LBX2: variants seen among roughly 807,000 people sequenced by gnomAD.
LBX2 encodes transcription factor LBX2.
Under a neutral mutation model 7.5 loss-of-function variants are expected in LBX2, and 6 were observed. That is an observed-to-expected ratio of 0.80 (90% CI 0.44 to 1.59). The LOEUF (loss-of-function observed/expected upper bound fraction) is 1.59. Among genes scored for constraint, LBX2 ranks in the 40% most tolerant of loss-of-function variants. The pLI, the probability that LBX2 is intolerant of heterozygous loss-of-function variation, is 0.01. For missense variants in LBX2, 281 were observed against 282.0 expected (o/e 1.00, Z 0.03); for synonymous variants, 143 against 133.2 (o/e 1.07, Z -0.51).
At chr2:74,500,873 A>T (rs955598680), upstream of LBX2, among the ~76,000 whole-genome samples, 2 of 152,308 alleles carry the variant, frequency 1.3e-5, no homozygotes, top group Admixed American at 1.3e-4. Context: ...GCTTTTTAAA[A>T]CAGTGTCAGG....
At chr2:74,502,854 TC>T, upstream of LBX2, 1 of 1,598,214 alleles carries the variant, frequency 6.3e-7, no homozygotes, top group Non-Finnish European at 8.6e-7. This position sits in a 1 kb window ranked among gnomAD's most constrained non-coding sequence, Gnocchi z 5.4. Flanking sequence ...AAGTCCTTTT[TC>T]CCATCAAGCC....
At chr2:74,499,833 C>G, upstream of LBX2, 1 of 487,290 alleles carries the variant, frequency 2.1e-6, no homozygotes, top group East Asian at 3.7e-5. The surrounding 1 kb of genome is among the most constrained non-coding windows in gnomAD (Gnocchi z 4.6). Context: ...CGCTGCGGGG[C>G]GCTGCACCGT....
upstream of LBX2, among the ~76,000 whole-genome samples, chr2:74,500,275 C>G (rs1001450688): frequency 6.6e-6 from 1 of 152,078 alleles, no homozygotes; most frequent in South Asian, 2.1e-4. Flanking sequence ...GCCGGGAGAC[C>G]CGGGCCGCAG....
chr2:74,499,413 G>C lies in LBX2; in HGVS notation c.125C>G (p.Thr42Arg), dbSNP rs954409110. The C allele has an allele frequency of 9.7e-6, 15 of 1,550,620 alleles. No individual in the cohort carries two copies. Among genetic ancestry groups the C allele is most frequent in the Non-Finnish European group, 1.2e-5 (14 of 1,146,998 alleles). Residue 42 changes from threonine (T) to arginine (R), a missense_variant, in exon 1 of 2, where the codon ACG (threonine) becomes AGG (arginine). Coordinates refer to ENST00000377566, the MANE Select transcript of LBX2 (RefSeq NM_001282430.2). This position sits in a 1 kb window ranked among gnomAD's most constrained non-coding sequence, Gnocchi z 4.6. ...PQLPESGPGP[T>R]SPLCALEELT... ...CTCCTCCAGCGCGCACAGCGGCGACGTTGGACCCGGACCCGACTCTGGAAG... is the reference window on the plus strand; with the variant it reads ...CTCCTCCAGCGCGCACAGCGGCGACCTTGGACCCGGACCCGACTCTGGAAG...
At chr2:74,498,636 A>G (rs1674413864) in intron 1 of LBX2, 3 of 390,670 alleles carry the variant, frequency 7.7e-6, no homozygotes, top group Non-Finnish European at 1.4e-5. Flanking sequence ...TGAGGCTTTT[A>G]GGAGCCTCAG....
rs1674425836 is a variant in LBX2 at position 74,499,003 on chromosome 2, C to T, written c.205+330G>A. 5.3e-6 allele frequency: 2 copies of T among 376,370 alleles called. No individual in the cohort carries two copies. Among genetic ancestry groups the T allele is most frequent in the Non-Finnish European group, 4.8e-6 (1 of 207,378 alleles). 23.3% of individuals were successfully genotyped at this position (376,370 alleles called of 1,614,324 possible). A position where few individuals can be genotyped will look rare whatever the true frequency, so the allele number is the denominator to read the frequency against. ...CGCCTTTGCAGGCTCACTCGTTTACCGCCTGCGGCTGAAGCCTTTTGTCTC... is the reference window on the plus strand; with the variant it reads ...CGCCTTTGCAGGCTCACTCGTTTACTGCCTGCGGCTGAAGCCTTTTGTCTC... On this transcript the variant is annotated intron_variant, in intron 1 of 1. Coordinates refer to ENST00000377566, the MANE Select transcript of LBX2 (RefSeq NM_001282430.2). The surrounding 1 kb of genome is among the most constrained non-coding windows in gnomAD (Gnocchi z 4.6).
In LBX2 at chr2:74,498,180, C is replaced by A; in HGVS notation, c.344G>T (p.Arg115Leu). Residue 115 changes from arginine to leucine, a missense_variant, in exon 2 of 2, where the codon CGA (arginine) becomes CTA (leucine). Transcript: ENST00000377566. ...VFQKYLAPSERDGLATRLGLA... is the reference protein window; with the variant it reads ...VFQKYLAPSELDGLATRLGLA... ...GCCGAGTCGCGTAGCTAGCCCGTCTCGCTCGGACGGCGCCAGGTACTTCTG... is the reference window on the plus strand; with the variant it reads ...GCCGAGTCGCGTAGCTAGCCCGTCTAGCTCGGACGGCGCCAGGTACTTCTG... 1 of 1,612,458 alleles carries A rather than the reference C, an allele frequency of 6.2e-7. No homozygotes were observed. The highest frequency in any genetic ancestry group is 1.1e-5 in the South Asian group (1 of 91,024).
chr2:74,499,741 G>A (rs1674446076), upstream of LBX2: 9 of 613,942 alleles, frequency 1.5e-5, no homozygotes, highest in East Asian at 2.8e-5. The surrounding 1 kb of genome is among the most constrained non-coding windows in gnomAD (Gnocchi z 4.6). Flanking sequence ...GTCCGGGGAG[G>A]GTATTTCTAC....
rs1674430154 is a variant in LBX2 at position 74,499,165 on chromosome 2, C to T, written c.205+168G>A. The T allele has an allele frequency of 2.0e-5, 13 of 651,362 alleles. 1 individual carries two copies. The highest frequency in any genetic ancestry group is 1.5e-4 in the South Asian group (8 of 52,050). 40.3% of individuals were successfully genotyped at this position (651,362 alleles called of 1,614,324 possible). On this transcript the variant is annotated intron_variant, in intron 1 of 1. Coordinates refer to ENST00000377566, the MANE Select transcript of LBX2 (RefSeq NM_001282430.2). The surrounding 1 kb of genome is among the most constrained non-coding windows in gnomAD (Gnocchi z 4.6). ...AGCCGCCGCGGAACCTAGGGACTAA[C>T]GGAGGAGAGGTGAGAAGTCGCAGGT...
Position 74,499,358 on chromosome 2 carries a change from G to C in LBX2, c.180C>G (p.Asp60Glu). Residue 60 changes from aspartate to glutamate, a missense_variant, in exon 1 of 2, where the codon GAC (aspartate) becomes GAG (glutamate). By Grantham distance (45) the Asp-to-Glu change is conservative. Transcript: ENST00000377566. This position sits in a 1 kb window ranked among gnomAD's most constrained non-coding sequence, Gnocchi z 4.6. ...CTTCAGAGGGCTGCAGAGCGCGCGC[G>C]TCAAGTCCGCGGAAAGTTTTACTAG... The part of the protein sequence containing the change: ...ELTSKTFRGL[D>E]ARALQPSEGR... 1 of 1,550,618 alleles carries C rather than the reference G, an allele frequency of 6.4e-7. No homozygotes were observed. Among genetic ancestry groups the C allele is most frequent in the Admixed American group, 2.0e-5 (1 of 51,012 alleles).
chr2:74,502,644 T>C (rs371128680), upstream of LBX2: 75 of 1,610,814 alleles, frequency 4.7e-5, no homozygotes, highest in African/African-American at 8.8e-4. The surrounding 1 kb of genome is among the most constrained non-coding windows in gnomAD (Gnocchi z 5.4). Flanking sequence ...AGTGAACCGG[T>C]CCTTATATCT....
Position 74,498,209 on chromosome 2 carries a change from G to A in LBX2, c.315C>T (p.Val105=), listed in dbSNP as rs577428404. The change falls in exon 2 of 2, where the codon GTC becomes GTT. Residue 105 remains valine (V), a synonymous_variant. Coordinates refer to ENST00000377566, the MANE Select transcript of LBX2 (RefSeq NM_001282430.2). ...QQVLELERRF[V]FQKYLAPSER... ...CGGACGGCGCCAGGTACTTCTGGAA[G>A]ACGAAGCGCCGCTCCAGCTCCAGCA... 125 of 1,611,080 alleles carry A rather than the reference G, an allele frequency of 7.8e-5. No homozygotes were observed. In the South Asian group the frequency reaches 1.2e-3, roughly 16 times the overall value.
chr2:74,499,568 C>G lies in LBX2; in HGVS notation c.-31G>C, dbSNP rs925996676. 4.6e-6 allele frequency: 7 copies of G among 1,537,988 alleles called. No homozygotes were observed. In the East Asian group the frequency reaches 7.4e-5, roughly 16 times the overall value. ...GCCGGGCTGGGGCGGTCCGGCTGTC[C>G]GTTGCGCTAGGCTCCGCAAACGCCT... On this transcript the variant is annotated 5_prime_UTR_variant, in exon 1 of 2. Transcript: ENST00000377566. The surrounding 1 kb of genome is among the most constrained non-coding windows in gnomAD (Gnocchi z 4.6).
chr2:74,502,681 G>T (rs775645589), upstream of LBX2: 6 of 1,614,058 alleles, frequency 3.7e-6, no homozygotes, highest in South Asian at 1.1e-5. This position sits in a 1 kb window ranked among gnomAD's most constrained non-coding sequence, Gnocchi z 5.4. Flanking sequence ...GGGGCGGCAG[G>T]CCTGTGAGTT....
At chr2:74,499,817 G>A, upstream of LBX2, 2 of 532,576 alleles carry the variant, frequency 3.8e-6, no homozygotes, top group South Asian at 2.1e-5. This position sits in a 1 kb window ranked among gnomAD's most constrained non-coding sequence, Gnocchi z 4.6. Context: ...CCACGGGGCT[G>A]CTCCGCGCTG....
At chr2:74,502,438 T>C (rs1572974440), upstream of LBX2, 1 of 572,038 alleles carries the variant, frequency 1.7e-6, no homozygotes, top group Non-Finnish European at 3.1e-6. This position sits in a 1 kb window ranked among gnomAD's most constrained non-coding sequence, Gnocchi z 5.4. Context: ...ATAACCCCCT[T>C]GGGGAGGTGG....
upstream of LBX2, chr2:74,502,668 T>C (rs778864495): frequency 6.2e-7 from 1 of 1,613,826 alleles, no homozygotes; most frequent in Non-Finnish European, 8.5e-7. This position sits in a 1 kb window ranked among gnomAD's most constrained non-coding sequence, Gnocchi z 5.4. Flanking sequence ...TTTCGTGACT[T>C]TGGGGGCGGC....
rs781270285 is a variant in LBX2, at chr2:74,497,943, AT to A, written c.580del (p.Ile194TyrfsTer119). The A allele has an allele frequency of 5.1e-6, 8 of 1,583,702 alleles. No individual in the cohort carries two copies. In the South Asian group the frequency reaches 9.1e-5, roughly 18 times the overall value. On this transcript the variant is annotated frameshift_variant, in exon 2 of 2. Transcript: ENST00000377566. LOFTEE classifies it high-confidence loss of function. Reference sequence around the variant, plus strand: ...GCTTTGTCTTCAATCGTCCACCTGTATCTCCTCGTCTGACAGGTGGGGCCGG... The same window carrying A: ...GCTTTGTCTTCAATCGTCCACCTGTACTCCTCGTCTGACAGGTGGGGCCGG... ...DSRPHLSDEE[I>X]QVDD
At chr2:74,500,135 A>T (rs1310941058), upstream of LBX2, among the ~76,000 whole-genome samples, 1 of 152,082 alleles carries the variant, frequency 6.6e-6, no homozygotes, top group Non-Finnish European at 1.5e-5. Context: ...TCGGGGGCGC[A>T]ACACTTGGGA....
Sources: gnomAD v4.1 joint callset for allele counts (sites outside exome capture counted in the v4.1 genomes callset) on GRCh38, gnomAD v4.1.1 for gene constraint, Gnocchi (gnomAD v3.1) non-coding constraint, MANE v1.5 for transcripts, NCBI Gene and HGNC (gene_info 2026-07-23, HGNC 2026-07-21) for gene names.